ANKRD22: variants seen among roughly 807,000 people sequenced by gnomAD.
The protein encoded by ANKRD22 is ankyrin repeat domain-containing protein 22.
In ANKRD22, 24 loss-of-function variants were observed where a neutral mutation model predicts 25.7. That is an observed-to-expected ratio of 0.93 (90% CI 0.68 to 1.31). The LOEUF (loss-of-function observed/expected upper bound fraction) is 1.31. Ranked by LOEUF, ANKRD22 falls within the 50% of genes most tolerant of loss-of-function variation. ANKRD22 has a pLI of 0.00. For synonymous variants in ANKRD22, 84 were observed against 84.3 expected (o/e 1.00, Z 0.02); for missense variants, 214 against 227.1 (o/e 0.94, Z 0.37).
At chr10:88,834,866 C>T (rs1843938412) in intron 1 of ANKRD22, among the ~76,000 whole-genome samples, 1 of 151,908 alleles carries the variant, frequency 6.6e-6, no homozygotes, top group Non-Finnish European at 1.5e-5. Context: ...TCGCTTGATT[C>T]GGCAGTGAGC....
chr10:88,844,049 T>G (rs1255008755), intron 1 of ANKRD22, among the ~76,000 whole-genome samples: 2 of 152,070 alleles, frequency 1.3e-5, no homozygotes, highest in Admixed American at 1.3e-4. Context: ...ACATAAAGAA[T>G]GACAAAGCCA....
chr10:88,836,404 G>A (rs1471656638), intron 1 of ANKRD22, among the ~76,000 whole-genome samples: 1 of 152,202 alleles, frequency 6.6e-6, no homozygotes, highest in Non-Finnish European at 1.5e-5. Context: ...CAGTTATTGA[G>A]TAGCTCAGTT....
rs769187545 is a variant in ANKRD22, at chr10:88,850,005, GTTTTTTT to G, written c.21+1575_21+1581del. Reference sequence around the variant, plus strand: ...GCTTCCCGCACTCAAATTGGGGGAAGTTTTTTTTTTTTTTTTGAATAGATTCTTCCAG... The same window carrying G: ...GCTTCCCGCACTCAAATTGGGGGAAGTTTTTTTTTGAATAGATTCTTCCAG... On this transcript the variant is annotated intron_variant, in intron 1 of 5. Coordinates refer to ENST00000371930, the MANE Select transcript of ANKRD22 (RefSeq NM_144590.3). 5.0e-5 allele frequency among the ~76,000 whole-genome samples: 7 copies of G among 139,068 alleles called. No homozygotes were observed. In the East Asian group the frequency reaches 1.0e-3, roughly 21 times the overall value. The allele number at this position is 139,068 out of a possible 152,430, so 91.2% of individuals were successfully genotyped here.
At chr10:88,823,868 T>A (rs1843827810) in intron 4 of ANKRD22, among the ~76,000 whole-genome samples, 1 of 150,166 alleles carries the variant, frequency 6.7e-6, no homozygotes, top group South Asian at 2.1e-4. Flanking sequence ...TCTCAATGTA[T>A]ATGTATGTTA....
chr10:88,843,836 C>T (rs1844024899), intron 1 of ANKRD22, among the ~76,000 whole-genome samples: 2 of 152,064 alleles, frequency 1.3e-5, no homozygotes, highest in South Asian at 4.1e-4. Context: ...ACATAACCTA[C>T]TATATTATTT....
At chr10:88,829,488 A>G (rs1315180323) in intron 2 of ANKRD22, among the ~76,000 whole-genome samples, 2 of 152,256 alleles carry the variant, frequency 1.3e-5, no homozygotes, top group Admixed American at 6.5e-5. Context: ...TTATTATATT[A>G]AATGGTCCAG....
chr10:88,844,570 C>G (rs1009242944), intron 1 of ANKRD22, among the ~76,000 whole-genome samples: 2 of 151,972 alleles, frequency 1.3e-5, no homozygotes, highest in African/African-American at 4.8e-5. Context: ...GTATCAAGAG[C>G]TGTTTCTATA....
At chr10:88,836,644 T>A (rs910250207) in intron 1 of ANKRD22, among the ~76,000 whole-genome samples, 4 of 152,208 alleles carry the variant, frequency 2.6e-5, no homozygotes, top group African/African-American at 7.2e-5. Flanking sequence ...AGACTTCGCA[T>A]TTGATATTTG....
intron 1 of ANKRD22, among the ~76,000 whole-genome samples, chr10:88,844,556 C>CTATG (rs1259830538): frequency 6.6e-6 from 1 of 151,916 alleles, no homozygotes; most frequent in East Asian, 1.9e-4. Flanking sequence ...ATTAGGGGAG[C>CTATG]TATGTATCAA....
chr10:88,834,732 C>G (rs535249550), intron 1 of ANKRD22, among the ~76,000 whole-genome samples: 9 of 152,108 alleles, frequency 5.9e-5, no homozygotes, highest in Admixed American at 2.0e-4. Flanking sequence ...GTCAGGAGTT[C>G]GAGATCAGCC....
Position 88,822,543 on chromosome 10 carries a change from G to GGTTTTTTTTTTTTTTTTTTTTTTTTTTT in ANKRD22, c.*397_*398insAAAAAAAAAAAAAAAAAAAAAAAAAAAC, listed in dbSNP as rs1491462149. 5.1e-5 allele frequency: 1 copy of GGTTTTTTTTTTTTTTTTTTTTTTTTTTT among 19,720 alleles called. No homozygotes were observed. The highest frequency in any genetic ancestry group is 8.0e-5 in the Non-Finnish European group (1 of 12,574). The allele number at this position is 19,720 out of a possible 1,614,324, so 1.2% of individuals were successfully genotyped here. A position where few individuals can be genotyped will look rare whatever the true frequency, so the allele number is the denominator to read the frequency against. On this transcript the variant is annotated 3_prime_UTR_variant, in exon 6 of 6. Coordinates refer to ENST00000371930, the MANE Select transcript of ANKRD22 (RefSeq NM_144590.3). ...GAAAGACTGAGTTTGGAACACCAGG[G>GGTTTTTTTTTTTTTTTTTTTTTTTTTTT]CTTTTTTTTTTTTTTTTTTTTTTGA...
intron 3 of ANKRD22, 45 bp from the exon 4 acceptor site, chr10:88,826,160 T>C (rs781098413): frequency 8.0e-6 from 12 of 1,494,714 alleles, no homozygotes; most frequent in Non-Finnish European, 1.1e-5. Flanking sequence ...TACAAATAGT[T>C]TCTCCAATTT....
chr10:88,823,624 G>A (rs937504512), intron 4 of ANKRD22: 31 of 387,906 alleles, frequency 8.0e-5, no homozygotes, highest in African/African-American at 5.4e-4. Flanking sequence ...TCAGAGGATC[G>A]AGACCGTCCT....
At chr10:88,830,443 T>C (rs1219398680) in intron 2 of ANKRD22, among the ~76,000 whole-genome samples, 1 of 152,228 alleles carries the variant, frequency 6.6e-6, no homozygotes, top group Non-Finnish European at 1.5e-5. Context: ...TTTAAGGTGT[T>C]TGTTTGTTTA....
At chr10:88,828,072 A>G (rs541493695) in intron 3 of ANKRD22, among the ~76,000 whole-genome samples, 15 of 152,356 alleles carry the variant, frequency 9.8e-5, no homozygotes, top group Admixed American at 9.1e-4. Flanking sequence ...AAATTCATCA[A>G]GGTGAAAATG....
intron 1 of ANKRD22, among the ~76,000 whole-genome samples, chr10:88,834,040 T>G (rs1843930318): frequency 1.3e-5 from 2 of 152,212 alleles, no homozygotes; most frequent in Admixed American, 1.3e-4. Flanking sequence ...TATTCGATTA[T>G]TTCTGGGACT....
intron 1 of ANKRD22, among the ~76,000 whole-genome samples, chr10:88,850,025 T>C (rs1197407782): frequency 6.7e-6 from 1 of 149,226 alleles, no homozygotes; most frequent in Non-Finnish European, 1.5e-5. Context: ...TTTTTTTGAA[T>C]AGATTCTTCC....
chr10:88,821,938 T>C lies in ANKRD22; in HGVS notation c.*1003A>G, dbSNP rs1169127827. ...ACAAATAATCCAGATCCTACCTCAT[T>C]GTATAGCTCTGTTTCTTTTGAAGAA... is the stretch of plus-strand genomic sequence containing the variant. On this transcript the variant is annotated 3_prime_UTR_variant, in exon 6 of 6. Coordinates refer to ENST00000371930, the MANE Select transcript of ANKRD22 (RefSeq NM_144590.3). Among the ~76,000 whole-genome samples the C allele has an allele frequency of 1.3e-5, 2 of 152,234 alleles. No homozygotes were observed. Among genetic ancestry groups the C allele is most frequent in the African/African-American group, 2.4e-5 (1 of 41,466 alleles).
At position 88,821,670 on chromosome 10, in the gene ANKRD22, A is replaced by G. The variant is rs1022506086; in HGVS notation, c.*1271T>C. On this transcript the variant is annotated 3_prime_UTR_variant, in exon 6 of 6. Transcript: ENST00000371930. ...AATAAGTTTCTTAAATCCTGTACACAGTTGAATATATATTGCTGGATTTGA... is the reference window on the plus strand; with the variant it reads ...AATAAGTTTCTTAAATCCTGTACACGGTTGAATATATATTGCTGGATTTGA... Among the ~76,000 whole-genome samples, 1 of 152,228 alleles carries G rather than the reference A, an allele frequency of 6.6e-6. No individual in the cohort carries two copies. The highest frequency in any genetic ancestry group is 1.5e-5 in the Non-Finnish European group (1 of 68,028).
Sources: allele counts gnomAD v4.1 joint callset (sites outside exome capture counted in the v4.1 genomes callset), GRCh38; gene constraint gnomAD v4.1.1; transcripts MANE v1.5; gene names NCBI Gene and HGNC (gene_info 2026-07-23, HGNC 2026-07-21).